INTS8: variants seen among roughly 807,000 people sequenced by gnomAD.
INTS8 encodes the protein integrator complex subunit 8.
A neutral mutation model predicts 138.9 loss-of-function variants in INTS8; 47 were observed. The observed-to-expected ratio is 0.34, with a 90% CI of 0.27 to 0.43. The LOEUF is 0.43. Ranked by LOEUF, INTS8 falls within the 20% of genes least tolerant of loss-of-function variation. INTS8 has a pLI of 1.00. For synonymous variants in INTS8, 392 were observed against 400.9 expected, an observed-to-expected ratio of 0.98 and a Z score of 0.27; for missense variants, 996 against 1,173.0, an observed-to-expected ratio of 0.85 and a Z score of 2.20.
intron 10 of INTS8, among the ~76,000 whole-genome samples, chr8:94,849,168 A>AT (rs1482502164): frequency 4.6e-5 from 7 of 152,132 alleles, no homozygotes; most frequent in Admixed American, 2.0e-4. Context: ...ATCACTTAAT[A>AT]TAATTTGGCA....
At chr8:94,878,505 C>T (rs141490352) in intron 26 of INTS8, among the ~76,000 whole-genome samples, 65 of 152,190 alleles carry the variant, frequency 4.3e-4, no homozygotes, top group Middle Eastern at 3.4e-3. Flanking sequence ...TTGTTAAGCC[C>T]GCTATGCAGC....
In INTS8 at chr8:94,859,621, C is replaced by T. The variant is rs1388068810; in HGVS notation, c.2065C>T (p.Pro689Ser). 1.2e-6 allele frequency: 2 copies of T among 1,608,194 alleles called. No individual in the cohort carries two copies. Among genetic ancestry groups the T allele is most frequent in the Non-Finnish European group, 1.7e-6 (2 of 1,175,142 alleles). The change falls in exon 16 of 27, where the codon CCA (proline) becomes TCA (serine). Residue 689 changes from proline to serine, a missense_variant. Transcript: ENST00000523731. ...TCCTGCATTTTTGCTTCAGAGTAAT[C>T]CATATGTAAAGGTAGTTAATGTTTA... The part of the protein sequence containing the change: ...QVPAFLLQSN[P>S]YVKLGQLLAA...
intron 10 of INTS8, among the ~76,000 whole-genome samples, chr8:94,846,535 G>T (rs1352559606): frequency 6.6e-6 from 1 of 152,138 alleles, no homozygotes; most frequent in Non-Finnish European, 1.5e-5. Context: ...CAGCCTCCCA[G>T]ATTACTGGGA....
At chr8:94,829,224 T>TA (rs1308125697) in intron 5 of INTS8, among the ~76,000 whole-genome samples, 198 bp downstream of exon 5, 2 of 152,024 alleles carry the variant, frequency 1.3e-5, no homozygotes, top group African/African-American at 4.8e-5. Flanking sequence ...ATTTCCATTA[T>TA]TATTACGTTG....
At chr8:94,860,608 A>G (rs1815925627) in intron 16 of INTS8, among the ~76,000 whole-genome samples, 1 of 149,960 alleles carries the variant, frequency 6.7e-6, no homozygotes, top group African/African-American at 2.4e-5. Flanking sequence ...AAAAAAACCC[A>G]AAAAACAAAG....
intron 20 of INTS8, among the ~76,000 whole-genome samples, chr8:94,869,274 G>A (rs962950433): frequency 6.6e-6 from 1 of 151,418 alleles, no homozygotes; most frequent in South Asian, 2.1e-4. Flanking sequence ...GAGCCACCAC[G>A]GCCAGCCCAG....
intron 21 of INTS8, among the ~76,000 whole-genome samples, chr8:94,872,720 C>A (rs1166746644): frequency 6.6e-6 from 1 of 152,198 alleles, no homozygotes; most frequent in Non-Finnish European, 1.5e-5. Context: ...TGATACGAAA[C>A]TTTCAATGCT....
chr8:94,826,023 C>T (rs2130989267), intron 2 of INTS8, among the ~76,000 whole-genome samples: 1 of 152,200 alleles, frequency 6.6e-6, no homozygotes, highest in Middle Eastern at 3.4e-3. Flanking sequence ...AATTGACAGT[C>T]ATTTAGTTTA....
chr8:94,830,966 T>A (rs551148765), intron 5 of INTS8, among the ~76,000 whole-genome samples: 2 of 151,912 alleles, frequency 1.3e-5, no homozygotes, highest in South Asian at 4.2e-4. Flanking sequence ...CCTGGCTAAT[T>A]TTTGTATTTT....
chr8:94,877,927 T>A (rs1479144470), intron 26 of INTS8, among the ~76,000 whole-genome samples: 1 of 152,166 alleles, frequency 6.6e-6, no homozygotes, highest in Non-Finnish European at 1.5e-5. Flanking sequence ...CAAATACTAT[T>A]CTGCACACTG....
At chr8:94,840,233 T>C (rs1218494583) in intron 8 of INTS8, among the ~76,000 whole-genome samples, 2 of 152,264 alleles carry the variant, frequency 1.3e-5, no homozygotes, top group East Asian at 3.8e-4. Context: ...CTTGAGAAGC[T>C]GCTGTGTTGC....
At chr8:94,841,633 C>T (rs779058127) in intron 9 of INTS8, 42 bp downstream of exon 9, 113 of 985,058 alleles carry the variant, frequency 1.1e-4, no homozygotes, top group Non-Finnish European at 1.7e-4. Flanking sequence ...TTGAATAAAA[C>T]AGCAAGTGCA....
At chr8:94,847,080 G>A (rs939002574) in intron 10 of INTS8, among the ~76,000 whole-genome samples, 1 of 151,714 alleles carries the variant, frequency 6.6e-6, no homozygotes, top group Non-Finnish European at 1.5e-5. Flanking sequence ...TTACTGTGTC[G>A]GCCAAACTGG....
At chr8:94,848,680 A>G (rs1272046053) in intron 10 of INTS8, among the ~76,000 whole-genome samples, 2 of 152,166 alleles carry the variant, frequency 1.3e-5, no homozygotes, top group East Asian at 1.9e-4. Context: ...AATTGAATGG[A>G]TATATACTGT....
At chr8:94,857,435 A>G (rs1815792708) in intron 15 of INTS8, among the ~76,000 whole-genome samples, 2 of 152,130 alleles carry the variant, frequency 1.3e-5, no homozygotes, top group African/African-American at 4.8e-5. Flanking sequence ...TTTGGTGTTC[A>G]CTGGAGAACA....
chr8:94,853,347 A>G (rs1381009240), intron 13 of INTS8, among the ~76,000 whole-genome samples: 1 of 152,082 alleles, frequency 6.6e-6, no homozygotes, highest in Non-Finnish European at 1.5e-5. Context: ...TTTAAGATGA[A>G]CAAGTATAGC....
chr8:94,866,095 C>T (rs980683370), intron 17 of INTS8, 63 bp from the exon 18 acceptor site: 3 of 718,606 alleles, frequency 4.2e-6, no homozygotes, highest in Non-Finnish European at 4.7e-6. Flanking sequence ...CTATAATTTA[C>T]TTTCTTGATT....
intron 6 of INTS8, among the ~76,000 whole-genome samples, chr8:94,833,018 A>ATC (rs959420930): frequency 1.1e-4 from 17 of 148,058 alleles, no homozygotes; most frequent in South Asian, 8.5e-4. Flanking sequence ...ACTCTTTGAC[A>ATC]TCTCTCTCTC....
intron 26 of INTS8, among the ~76,000 whole-genome samples, chr8:94,877,110 A>G (rs921935789): frequency 6.6e-6 from 1 of 152,168 alleles, no homozygotes; most frequent in African/African-American, 2.4e-5. Flanking sequence ...TTGTTTTGTC[A>G]TAGTTGGTCC....
Sources: allele counts gnomAD v4.1 joint callset (sites outside exome capture counted in the v4.1 genomes callset), GRCh38; gene constraint gnomAD v4.1.1; transcripts MANE v1.5; gene names NCBI Gene and HGNC (gene_info 2026-07-23, HGNC 2026-07-21).